EIF5B: variants seen among roughly 807,000 people sequenced by gnomAD.
EIF5B encodes eukaryotic translation initiation factor 5B.
EIF5B carries 47 observed loss-of-function variants against 147.5 expected under a neutral mutation model. The ratio of observed to expected loss-of-function variants is 0.32; its 90% confidence interval spans 0.25 to 0.41. EIF5B has a LOEUF of 0.41. EIF5B is among the 10% of genes least tolerant of loss of function. EIF5B has a pLI of 1.00. For synonymous variants in EIF5B, 455 were observed against 456.2 expected (o/e 1.00, Z 0.03); for missense variants, 1,064 against 1,413.2 (o/e 0.75, Z 3.96).
intron 7 of EIF5B, 26 bp downstream of exon 7, chr2:99,368,617 T>G (rs1376680624): frequency 1.3e-6 from 2 of 1,537,934 alleles, no homozygotes; most frequent in African/African-American, 2.7e-5. Flanking sequence ...AGCCTCTAAT[T>G]TAGGAAATAT....
intron 21 of EIF5B, 151 bp from the exon 22 acceptor site, chr2:99,396,609 C>T (rs1675051886): frequency 1.1e-6 from 1 of 883,994 alleles, no homozygotes. Context: ...TGGGGTGGCC[C>T]TGGGCTGCAG....
chr2:99,357,671 G>A (rs1321663201), intron 1 of EIF5B, among the ~76,000 whole-genome samples: 1 of 152,102 alleles, frequency 6.6e-6, no homozygotes, highest in Non-Finnish European at 1.5e-5. Flanking sequence ...ATATAGTTTG[G>A]GTGAGGGCCG....
chr2:99,358,453 C>T (rs1486119264), intron 1 of EIF5B, among the ~76,000 whole-genome samples: 1 of 152,204 alleles, frequency 6.6e-6, no homozygotes, highest in Admixed American at 6.5e-5. Flanking sequence ...ATATCTCCGA[C>T]TCGTGTGATC....
chr2:99,385,477 C>T (rs929778428), intron 14 of EIF5B, among the ~76,000 whole-genome samples: 1 of 152,184 alleles, frequency 6.6e-6, no homozygotes, highest in African/African-American at 2.4e-5. Flanking sequence ...CCATCAACAT[C>T]GAGGCAAGAC....
chr2:99,398,529 T>TTA, intron 22 of EIF5B: 1 of 432,958 alleles, frequency 2.3e-6, no homozygotes, highest in Non-Finnish European at 4.1e-6. Context: ...GCAAAGCACA[T>TTA]TATCTCCTGT....
At chr2:99,344,172 G>A (rs1291647660) in intron 1 of EIF5B, among the ~76,000 whole-genome samples, 3 of 151,846 alleles carry the variant, frequency 2.0e-5, no homozygotes, top group Non-Finnish European at 2.9e-5. Flanking sequence ...CGCCCGCCTC[G>A]GCCTCCTGAA....
intron 22 of EIF5B, 86 bp downstream of exon 22, chr2:99,396,984 G>T: frequency 2.8e-6 from 4 of 1,452,306 alleles, no homozygotes; most frequent in Non-Finnish European, 2.8e-6. Flanking sequence ...CTTTGTGCCT[G>T]TAGTTCACAG....
At chr2:99,374,246 G>A (rs1480916279) in intron 9 of EIF5B, among the ~76,000 whole-genome samples, 7 of 145,056 alleles carry the variant, frequency 4.8e-5, no homozygotes, top group South Asian at 4.3e-4. Flanking sequence ...CTGAGATTGC[G>A]CCACTGCATT....
At chr2:99,358,443 A>G (rs917117542) in intron 1 of EIF5B, among the ~76,000 whole-genome samples, 3 of 152,316 alleles carry the variant, frequency 2.0e-5, no homozygotes, top group South Asian at 4.1e-4. Flanking sequence ...TTCAAATCCC[A>G]TATCTCCGAC....
At chr2:99,340,593 C>T (rs1038944455) in intron 1 of EIF5B, 2 of 152,210 alleles carry the variant, frequency 1.3e-5, no homozygotes, top group Non-Finnish European at 2.9e-5. Flanking sequence ...TTTAATTAAT[C>T]CTTATTTTAA....
Position 99,361,362 on chromosome 2 carries a change from C to T in EIF5B, c.461C>T (p.Ala154Val). The change falls in exon 4 of 24, where the codon GCT becomes GTT. Residue 154 changes from alanine (A) to valine (V), a missense_variant. Transcript: ENST00000289371. The stretch of plus-strand genomic sequence containing the variant: ...CTTCCTAAAAAAGCTAAAGGGAAAG[C>T]TCAAAAATCAAATAAGAAGTGGGAT... ...NKLPKKAKGK[A>V]QKSNKKWDGS... 1 of 1,611,044 alleles carries T rather than the reference C, an allele frequency of 6.2e-7. No homozygotes were observed. The highest frequency in any genetic ancestry group is 1.1e-5 in the South Asian group (1 of 90,062).
At chr2:99,346,817 G>A (rs180920394) in intron 1 of EIF5B, among the ~76,000 whole-genome samples, 35 of 151,476 alleles carry the variant, frequency 2.3e-4, no homozygotes, top group Admixed American at 2.2e-3. Context: ...TGATCCACCC[G>A]CCTCGGCCTC....
chr2:99,357,628 A>G (rs1674121635), intron 1 of EIF5B, among the ~76,000 whole-genome samples: 1 of 152,226 alleles, frequency 6.6e-6, no homozygotes, highest in African/African-American at 2.4e-5. Flanking sequence ...AGCTAATCAC[A>G]AGAAGATTCT....
chr2:99,363,175 T>C (rs1004053089), intron 4 of EIF5B, among the ~76,000 whole-genome samples: 1 of 152,226 alleles, frequency 6.6e-6, no homozygotes. Context: ...CCTATATTTT[T>C]GTATTTTATC....
intron 1 of EIF5B, chr2:99,340,685 A>G (rs2094257446): frequency 6.6e-6 from 1 of 152,156 alleles, no homozygotes; most frequent in Admixed American, 6.5e-5. Flanking sequence ...AGTGATCAAG[A>G]TATTTATTCT....
intron 1 of EIF5B, among the ~76,000 whole-genome samples, chr2:99,338,930 A>ATG (rs1336808389): frequency 6.8e-6 from 1 of 147,484 alleles, no homozygotes; most frequent in East Asian, 1.9e-4. Flanking sequence ...GTGTATATAT[A>ATG]TATATATACA....
At position 99,363,769 on chromosome 2, in the gene EIF5B, G is replaced by A; in HGVS notation, c.1044G>A (p.Leu348=). 2 of 1,614,014 alleles carry A rather than the reference G, an allele frequency of 1.2e-6. No homozygotes were observed. The highest frequency in any genetic ancestry group is 2.2e-5 in the East Asian group (1 of 44,858). Residue 348 remains leucine, a synonymous_variant, in exon 5 of 24, where the codon CTG becomes CTA. Transcript: ENST00000289371. The part of the protein sequence containing the change: ...KATVKAMQEA[L]AKLKEEEERQ... The stretch of plus-strand genomic sequence containing the variant: ...CTGTTAAAGCTATGCAAGAAGCTCT[G>A]GCTAAGCTTAAAGAGGAAGAAGAAA...
In EIF5B at chr2:99,358,655, TG is replaced by T; in HGVS notation, c.36-1578del. 2.0e-5 allele frequency among the ~76,000 whole-genome samples: 3 copies of T among 152,320 alleles called. No homozygotes were observed. The Middle Eastern group carries it at 0.01, about 518-fold the overall frequency. ...AAATACATAATGCTCAAACATTTCTTGGGTGGTTCAGATGCCTTTTGTGAGC... is the reference window on the plus strand; with the variant it reads ...AAATACATAATGCTCAAACATTTCTTGGTGGTTCAGATGCCTTTTGTGAGC... On this transcript the variant is annotated intron_variant, in intron 1 of 23. Coordinates refer to ENST00000289371, the MANE Select transcript of EIF5B (RefSeq NM_015904.4).
chr2:99,339,006 ATT>A (rs1189175387), intron 1 of EIF5B, among the ~76,000 whole-genome samples: 10 of 137,192 alleles, frequency 7.3e-5, no homozygotes, highest in African/African-American at 1.3e-4. Flanking sequence ...ATATATATAC[ATT>A]TTTTTTTTTT....
Sources: allele counts gnomAD v4.1 joint callset (sites outside exome capture counted in the v4.1 genomes callset), GRCh38; gene constraint gnomAD v4.1.1; transcripts MANE v1.5; gene names NCBI Gene and HGNC (gene_info 2026-07-23, HGNC 2026-07-21).